HIGD1C: variants seen among roughly 807,000 people sequenced by gnomAD.
The protein encoded by HIGD1C is HIG1 hypoxia inducible domain family member 1C.
HIGD1C carries 11 observed loss-of-function variants against 13.1 expected under a neutral mutation model. The ratio of observed to expected loss-of-function variants is 0.84; its 90% CI spans 0.53 to 1.39. HIGD1C has a LOEUF of 1.39. HIGD1C is among the 40% of genes most tolerant of loss of function. The pLI, the probability that HIGD1C is intolerant of heterozygous loss-of-function variation, is 0.00. For missense variants in HIGD1C, 110 were observed against 112.0 expected (o/e 0.98, Z 0.08); for synonymous variants, 36 against 37.7 (o/e 0.95, Z 0.17).
At chr12:50,966,941 C>A (rs1271945583) in intron 2 of HIGD1C, among the ~76,000 whole-genome samples, 1 of 151,922 alleles carries the variant, frequency 6.6e-6, no homozygotes, top group Admixed American at 6.6e-5. Flanking sequence ...CATGGTGAAA[C>A]CCCCATCTCT....
chr12:50,967,934 A>G (rs1939602456), intron 2 of HIGD1C, among the ~76,000 whole-genome samples: 1 of 152,160 alleles, frequency 6.6e-6, no homozygotes, highest in Non-Finnish European at 1.5e-5. Context: ...CAAAAAATTA[A>G]AAAGTTAGCC....
At chr12:50,954,882 G>A (rs1297938538) in intron 1 of HIGD1C, among the ~76,000 whole-genome samples, 1 of 152,198 alleles carries the variant, frequency 6.6e-6, no homozygotes, top group East Asian at 1.9e-4. Flanking sequence ...CTGAACACTT[G>A]TGAGCATGAA....
the HIGD1C span, among the ~76,000 whole-genome samples, chr12:50,947,760 A>G: frequency 6.6e-6 from 1 of 152,124 alleles, no homozygotes; most frequent in African/African-American, 2.4e-5. Flanking sequence ...AGATAATGGG[A>G]CCTTCAGTGA....
chr12:50,963,107 C>G (rs185576328), intron 2 of HIGD1C, among the ~76,000 whole-genome samples: 59 of 151,774 alleles, frequency 3.9e-4, no homozygotes, highest in African/African-American at 1.4e-3. Flanking sequence ...TGGTGGTTTG[C>G]ACCTGTAATC....
At chr12:50,954,244 G>A (rs947201610) in intron 1 of HIGD1C, 152 bp downstream of exon 3, 1 of 518,156 alleles carries the variant, frequency 1.9e-6, no homozygotes, top group Non-Finnish European at 3.4e-6. Context: ...TTTCAGAATA[G>A]TTCCTAATAC....
chr12:50,952,887 A>T (rs1002818955), upstream of HIGD1C, among the ~76,000 whole-genome samples: 1 of 151,966 alleles, frequency 6.6e-6, no homozygotes, highest in African/African-American at 2.4e-5. Flanking sequence ...CTTTCCCCTC[A>T]ATTTTGGGCC....
At chr12:50,959,183 A>C (rs1022563606) in intron 1 of HIGD1C, among the ~76,000 whole-genome samples, 6 of 151,762 alleles carry the variant, frequency 4.0e-5, no homozygotes, top group Non-Finnish European at 8.8e-5. Flanking sequence ...GCAATGGTGC[A>C]ATCTCAGCTC....
In HIGD1C at chr12:50,962,354, T is replaced by C. The variant is rs1260159156; in HGVS notation, c.229+1252T>C. Among the ~76,000 whole-genome samples the C allele has an allele frequency of 3.3e-5, 5 of 151,560 alleles. No individual in the cohort carries two copies. In the East Asian group the frequency reaches 9.7e-4, roughly 29 times the overall value. On this transcript the variant is annotated intron_variant, in intron 2 of 2. Transcript: ENST00000398455. Reference sequence around the variant, plus strand: ...TGAATCTGGGAGGTGGAGGTTGCAGTGAGCCGAGATCATGCCTTTGCACTC... The same window carrying C: ...TGAATCTGGGAGGTGGAGGTTGCAGCGAGCCGAGATCATGCCTTTGCACTC...
chr12:50,952,769 G>A (rs141458987), upstream of HIGD1C, among the ~76,000 whole-genome samples: 4 of 152,332 alleles, frequency 2.6e-5, no homozygotes, highest in East Asian at 1.9e-4. Context: ...TGCAGGGAGC[G>A]CACCTCCTCT....
intron 1 of HIGD1C, 175 bp downstream of exon 3, chr12:50,954,267 C>T (rs1346840143): frequency 2.1e-6 from 1 of 468,402 alleles, no homozygotes; most frequent in Non-Finnish European, 3.8e-6. Context: ...GGTAAGCCCC[C>T]AGTAAATGTT....
the HIGD1C span, among the ~76,000 whole-genome samples, chr12:50,934,586 G>A: frequency 1.1e-4 from 16 of 152,206 alleles, no homozygotes; most frequent in African/African-American, 3.9e-4. Flanking sequence ...TATAGATGAG[G>A]AAGAAGCTCA....
the HIGD1C span, chr12:50,939,848 T>C: frequency 6.6e-6 from 1 of 152,204 alleles, no homozygotes; most frequent in South Asian, 2.1e-4. Flanking sequence ...ACAGAATGTT[T>C]ATTTTTCTAT....
the HIGD1C span, among the ~76,000 whole-genome samples, chr12:50,937,104 A>T: frequency 6.6e-6 from 1 of 152,250 alleles, no homozygotes; most frequent in Non-Finnish European, 1.5e-5. Context: ...TGATTAAATC[A>T]TCATAAGTAC....
chr12:50,939,303 A>G, the HIGD1C span, among the ~76,000 whole-genome samples: 8 of 152,100 alleles, frequency 5.3e-5, no homozygotes, highest in Admixed American at 4.6e-4. Context: ...ATCTGCCACC[A>G]CACCCAGCTA....
chr12:50,967,838 G>T (rs1015591323), intron 2 of HIGD1C, among the ~76,000 whole-genome samples: 4 of 152,150 alleles, frequency 2.6e-5, no homozygotes, highest in Admixed American at 2.6e-4. Flanking sequence ...TTTAGGCTGG[G>T]TGTATTGGGA....
chr12:50,970,473 TA>T lies in HIGD1C; in HGVS notation c.262del (p.Arg88AspfsTer?). Reference sequence around the variant, plus strand: ...TCTATTCTATGTATAAGGATTACATTAGACCACGATTCTTCAGTGAGTCCAA... The same window carrying T: ...TCTATTCTATGTATAAGGATTACATTGACCACGATTCTTCAGTGAGTCCAA... On this transcript the variant is annotated frameshift_variant, in exon 3 of 3. Transcript: ENST00000398455. LOFTEE classifies it high-confidence loss of function. 6.5e-7 allele frequency: 1 copy of T among 1,532,564 alleles called. No homozygotes were observed. The highest frequency in any genetic ancestry group is 8.9e-7 in the Non-Finnish European group (1 of 1,129,826). The allele number at this position is 1,532,564 out of a possible 1,614,324, so 94.9% of individuals were successfully genotyped here. A position where few individuals can be genotyped will look rare whatever the true frequency, so the allele number is the denominator to read the frequency against.
the HIGD1C span, among the ~76,000 whole-genome samples, chr12:50,938,646 G>A: frequency 1.7e-4 from 26 of 152,264 alleles, no homozygotes; most frequent in Non-Finnish European, 3.1e-4. Flanking sequence ...CAGATGGCCC[G>A]CTACAACCAT....
chr12:50,968,648 T>C (rs1336336956), intron 2 of HIGD1C, among the ~76,000 whole-genome samples: 1 of 152,060 alleles, frequency 6.6e-6, no homozygotes, highest in East Asian at 1.9e-4. Flanking sequence ...TTCAAGTGAT[T>C]CTCCTCACTT....
Position 50,968,119 on chromosome 12 carries a change from GGAGGAGGAGAAT to G in HIGD1C, c.230-2313_230-2302del, listed in dbSNP as rs1247841238. On this transcript the variant is annotated intron_variant, in intron 2 of 2. Coordinates refer to ENST00000398455, the Ensembl canonical transcript of HIGD1C. ...AGAAGAAGAAGGAGGAGGAGGAGGA[GGAGGAGGAGAAT>G]GAGGAGGAGGAGGAGAAGGGATTTA... Among the ~76,000 whole-genome samples the G allele has an allele frequency of 2.0e-5, 3 of 152,044 alleles. No individual in the cohort carries two copies. In the East Asian group the frequency reaches 5.8e-4, roughly 29 times the overall value.
Sources: allele counts gnomAD v4.1 joint callset (sites outside exome capture counted in the v4.1 genomes callset), GRCh38; gene constraint gnomAD v4.1.1; transcripts MANE v1.5; gene names NCBI Gene and HGNC (gene_info 2026-07-23, HGNC 2026-07-21).